Variants in MICB observed in about 807,000 individuals in gnomAD.
The protein encoded by MICB is MHC class I antigen-related protein B.
Under a neutral mutation model 34.3 loss-of-function variants are expected in MICB, and 27 were observed. That is an observed-to-expected ratio of 0.79 (90% confidence interval 0.58 to 1.08). The LOEUF (loss-of-function observed/expected upper bound fraction) is 1.08, where lower values mean the gene tolerates loss of function less well. Ranked by LOEUF, MICB falls within the 50% of genes least tolerant of loss-of-function variation. The pLI is 0.00. For synonymous variants in MICB, 153 were observed against 187.4 expected (o/e 0.82, Z 1.50); for missense variants, 426 against 483.1 (o/e 0.88, Z 1.11).
upstream of MICB, among the ~76,000 whole-genome samples, chr6:31,495,697 G>T (rs1764616399): frequency 6.6e-6 from 1 of 152,086 alleles, no homozygotes; most frequent in Non-Finnish European, 1.5e-5. Flanking sequence ...ATCCTGGAGG[G>T]TTCATAGTCT....
At chr6:31,506,535 G>A (rs1200131158) in intron 3 of MICB, 105 bp downstream of exon 3, 34 of 1,262,830 alleles carry the variant, frequency 2.7e-5, no homozygotes, top group South Asian at 9.0e-5. Flanking sequence ...GGATGCAGGC[G>A]TTTCCTGTTG....
chr6:31,509,732 A>C (rs1275220086), intron 5 of MICB, 50 bp from the exon 6 acceptor site: 1 of 1,517,796 alleles, frequency 6.6e-7, no homozygotes, highest in Non-Finnish European at 8.8e-7. Flanking sequence ...TTAGGGAATA[A>C]ACACAACACT....
upstream of MICB, among the ~76,000 whole-genome samples, chr6:31,495,740 T>C (rs1177448572): frequency 7.0e-6 from 1 of 142,188 alleles, no homozygotes; most frequent in Non-Finnish European, 1.5e-5. Context: ...TGGTAGGTGA[T>C]GGCTGGGTGT....
chr6:31,505,391 A>G (rs1429026961), intron 1 of MICB, among the ~76,000 whole-genome samples: 6 of 151,668 alleles, frequency 4.0e-5, no homozygotes, highest in Non-Finnish European at 8.8e-5. Flanking sequence ...CTGGCACCTG[A>G]CCTACAAGTT....
At position 31,504,248 on chromosome 6, in the gene MICB, C is replaced by CTTTTTTTTTTTTT. The variant is rs41283858; in HGVS notation, c.71-1364_71-1363insTTTTTTTTTTTTT. Among the ~76,000 whole-genome samples, 49 of 71,412 alleles carry CTTTTTTTTTTTTT rather than the reference C, an allele frequency of 6.9e-4. 3 individuals are homozygous for CTTTTTTTTTTTTT. The highest frequency in any genetic ancestry group is 9.4e-4 in the Non-Finnish European group (35 of 37,308). The allele number at this position is 71,412 out of a possible 152,430, so 46.8% of individuals were successfully genotyped here. A position where few individuals can be genotyped will look rare whatever the true frequency, so the allele number is the denominator to read the frequency against. The stretch of plus-strand genomic sequence containing the variant: ...GCATATTCTGGAAACTAATCTCTCT[C>CTTTTTTTTTTTTT]TTTTTCTTTTTTTTTTTTTTTTTTT... On this transcript the variant is annotated intron_variant, in intron 1 of 5. Transcript: ENST00000252229.
chr6:31,507,093 A>T lies in MICB; in HGVS notation c.685A>T (p.Ser229Cys). Residue 229 changes from serine (S) to cysteine (C), a missense_variant, in exon 4 of 6, where the codon AGC becomes TGC. By Grantham distance (112) the Ser-to-Cys change is moderately radical (BLOSUM62 -1). Coordinates refer to ENST00000252229, the MANE Select transcript of MICB (RefSeq NM_005931.5). The surrounding 1 kb of genome is among the most constrained non-coding windows in gnomAD (Gnocchi z 6.0). ...GNITVTCRAS[S>C]FYPRNITLTW... is the part of the protein sequence containing the mutation. ...CATCACCGTGACATGCAGGGCTTCC[A>T]GCTTCTATCCCCGGAATATCACACT... The T allele has an allele frequency of 6.2e-7, 1 of 1,605,586 alleles. No homozygotes were observed. Among genetic ancestry groups the T allele is most frequent in the Non-Finnish European group, 8.5e-7 (1 of 1,176,820 alleles).
Position 31,510,086 on chromosome 6 carries a change from A to G in MICB, c.*177A>G. ...GCTCTGCCACGTAGAGAGCCAGCAAAGGGATCATGACCAACTCAACATTCC... is the reference window on the plus strand; with the variant it reads ...GCTCTGCCACGTAGAGAGCCAGCAAGGGGATCATGACCAACTCAACATTCC... On this transcript the variant is annotated 3_prime_UTR_variant, in exon 6 of 6. Transcript: ENST00000252229. 2 of 584,022 alleles carry G rather than the reference A, an allele frequency of 3.4e-6. No individual in the cohort carries two copies. Among genetic ancestry groups the G allele is most frequent in the Middle Eastern group, 3.1e-4 (1 of 3,272 alleles). The allele number at this position is 584,022 out of a possible 1,614,324, so 36.2% of individuals were successfully genotyped here.
chr6:31,505,004 C>T (rs146398018), intron 1 of MICB, among the ~76,000 whole-genome samples: 2,037 of 152,208 alleles, frequency 0.013, 28 homozygotes, highest in Non-Finnish European at 0.019. Context: ...TGTCCTGGGG[C>T]CTTGTCATGC....
At chr6:31,497,790 G>T (rs1334903845), upstream of MICB, among the ~76,000 whole-genome samples, 2 of 152,158 alleles carry the variant, frequency 1.3e-5, no homozygotes, top group Admixed American at 6.5e-5. Context: ...GGCGAAAGGG[G>T]CTTGGTGAAG....
At chr6:31,503,281 A>G (rs909910295) in intron 1 of MICB, among the ~76,000 whole-genome samples, 1 of 152,200 alleles carries the variant, frequency 6.6e-6, no homozygotes, top group African/African-American at 2.4e-5. Flanking sequence ...TCTGTTTTTC[A>G]GAACAATTTG....
At chr6:31,497,327 A>T (rs1276718972), upstream of MICB, among the ~76,000 whole-genome samples, 1 of 151,786 alleles carries the variant, frequency 6.6e-6, no homozygotes, top group Non-Finnish European at 1.5e-5. Context: ...GATCTGTCAT[A>T]TTGAAGGGGA....
Position 31,506,283 on chromosome 6 carries a change from T to C in MICB, c.466T>C (p.Ser156Pro), listed in dbSNP as rs780909552. ...ETQESTVPQS[S>P]RAQTLAMNVT... Reference sequence around the variant, plus strand: ...TCAAGAATCGACAGTGCCCCAGTCCTCCAGAGCTCAGACCTTGGCTATGAA... The same window carrying C: ...TCAAGAATCGACAGTGCCCCAGTCCCCCAGAGCTCAGACCTTGGCTATGAA... Residue 156 changes from serine to proline, a missense_variant, in exon 3 of 6, where the codon TCC becomes CCC. Physicochemically the swap from Ser to Pro is moderately conservative, Grantham distance 74. Coordinates refer to ENST00000252229, the MANE Select transcript of MICB (RefSeq NM_005931.5). 6.2e-7 allele frequency: 1 copy of C among 1,614,172 alleles called. No homozygotes were observed. Among genetic ancestry groups the C allele is most frequent in the East Asian group, 2.2e-5 (1 of 44,876 alleles).
At chr6:31,509,722 T>G in intron 5 of MICB, 60 bp from the exon 6 acceptor site, 2 of 1,490,378 alleles carry the variant, frequency 1.3e-6, no homozygotes, top group Non-Finnish European at 1.8e-6. Flanking sequence ...AGAAAAGTCC[T>G]TAGGGAATAA....
chr6:31,505,650 T>C lies in MICB; in HGVS notation c.104T>C (p.Leu35Pro), dbSNP rs759445853. Residue 35 changes from leucine (L) to proline (P), a missense_variant, in exon 2 of 6, where the codon CTG (leucine) becomes CCG (proline). Transcript: ENST00000252229. ...PHSLRYNLMV[L>P]SQDGSVQSGF... ...AGTCTTCGTTACAACCTCATGGTGC[T>C]GTCCCAGGATGGATCTGTGCAGTCA... 1.9e-6 allele frequency: 3 copies of C among 1,612,890 alleles called. No homozygotes were observed. In the South Asian group the frequency reaches 3.3e-5, roughly 18 times the overall value.
chr6:31,507,328 T>A lies in MICB; in HGVS notation c.892+28T>A. The A allele has an allele frequency of 6.2e-7, 1 of 1,611,882 alleles. No individual in the cohort carries two copies. Among genetic ancestry groups the A allele is most frequent in the Non-Finnish European group, 8.5e-7 (1 of 1,178,832 alleles). The stretch of plus-strand genomic sequence containing the variant: ...GAGCCTGGGGTGACCCTGGAGAGGG[T>A]CAGGCCAGGGTAGGAACAGCAAGGA... On this transcript the variant is annotated intron_variant, in intron 4 of 5. Transcript: ENST00000252229. The surrounding 1 kb of genome is among the most constrained non-coding windows in gnomAD (Gnocchi z 6.0).
intron 1 of MICB, among the ~76,000 whole-genome samples, chr6:31,501,607 A>T (rs1410931486): frequency 6.6e-6 from 1 of 152,118 alleles, no homozygotes; most frequent in Non-Finnish European, 1.5e-5. Flanking sequence ...TTGGATTTTT[A>T]TATGTGGTGA....
At chr6:31,499,316 T>C (rs1764889319) in intron 1 of MICB, among the ~76,000 whole-genome samples, 3 of 152,154 alleles carry the variant, frequency 2.0e-5, no homozygotes, top group Admixed American at 6.5e-5. Flanking sequence ...CTGCCCATCT[T>C]ACGGCGCCCT....
chr6:31,506,425 G>A lies in MICB; in HGVS notation c.608G>A (p.Arg203Lys), dbSNP rs1332168406. 6.2e-7 allele frequency: 1 copy of A among 1,613,708 alleles called. No homozygotes were observed. Among genetic ancestry groups the A allele is most frequent in the Non-Finnish European group, 8.5e-7 (1 of 1,179,838 alleles). ...RYLKSGVAIR[R>K]TVPPMVNVTC... ...CTGAAATCCGGGGTGGCCATCAGGA[G>A]AACAGGTACCGACCCTGGCCAGGGG... The change falls in exon 3 of 6, where the codon AGA becomes AAA. Residue 203 changes from arginine to lysine, a missense_variant. Physicochemically the swap from Arg to Lys is conservative, Grantham distance 26. Coordinates refer to ENST00000252229, the MANE Select transcript of MICB (RefSeq NM_005931.5).
chr6:31,495,211 C>CAT, upstream of MICB, among the ~76,000 whole-genome samples: 1 of 152,242 alleles, frequency 6.6e-6, no homozygotes, highest in East Asian at 1.9e-4. Flanking sequence ...GAAACCGCTT[C>CAT]TAAATGCCTT....
Sources: gnomAD v4.1 joint callset for allele counts (sites outside exome capture counted in the v4.1 genomes callset) on GRCh38, gnomAD v4.1.1 for gene constraint, Gnocchi (gnomAD v3.1) non-coding constraint, MANE v1.5 for transcripts, NCBI Gene and HGNC (gene_info 2026-07-23, HGNC 2026-07-21) for gene names.